Variants in PCDHA1 observed in about 807,000 individuals in gnomAD.
PCDHA1 encodes protocadherin alpha-1.
In PCDHA1, 42 loss-of-function variants were observed where a neutral mutation model predicts 61.3. The ratio of observed to expected loss-of-function variants is 0.69; its 90% CI spans 0.54 to 0.89. PCDHA1 has a LOEUF of 0.89. PCDHA1 is among the 40% of genes least tolerant of loss of function. The pLI is 0.00. For synonymous variants in PCDHA1, 610 were observed against 553.8 expected, an observed-to-expected ratio of 1.10 and a Z score of -1.43; for missense variants, 1,256 against 1,235.3, an observed-to-expected ratio of 1.02 and a Z score of -0.25.
intron 1 of PCDHA1, chr5:140,809,102 G>T (rs532147064): frequency 7.4e-6 from 12 of 1,613,966 alleles, no homozygotes; most frequent in African/African-American, 1.3e-5. Context: ...TGCCCTGGAC[G>T]AAACGGACGC....
At chr5:140,822,702 T>C (rs1767402804) in intron 1 of PCDHA1, 1 of 1,610,758 alleles carries the variant, frequency 6.2e-7, no homozygotes, top group Non-Finnish European at 8.5e-7. Flanking sequence ...AACTGGATTA[T>C]GAAGACTATA....
intron 1 of PCDHA1, among the ~76,000 whole-genome samples, chr5:140,798,440 C>T (rs1436218593): frequency 2.6e-5 from 4 of 152,156 alleles, no homozygotes; most frequent in Admixed American, 2.6e-4. Context: ...TTAAAAATCA[C>T]ACTGGGGTTT....
intron 1 of PCDHA1, chr5:140,862,547 G>T: frequency 2.2e-6 from 1 of 455,636 alleles, no homozygotes; most frequent in South Asian, 1.7e-5. Context: ...CGTGGAAGTG[G>T]CCGAACAGTG....
At chr5:140,870,778 G>GACA (rs2052395482) in intron 1 of PCDHA1, 1 of 1,613,502 alleles carries the variant, frequency 6.2e-7, no homozygotes, top group Non-Finnish European at 8.5e-7. Flanking sequence ...GGACGAGAAC[G>GACA]ACAACGCGCC....
intron 1 of PCDHA1, among the ~76,000 whole-genome samples, chr5:140,794,201 C>G (rs1212129298): frequency 2.0e-5 from 3 of 152,196 alleles, no homozygotes; most frequent in Non-Finnish European, 2.9e-5. Context: ...GGAAAGAAGT[C>G]CTGTCACATG....
At chr5:140,904,725 C>A (rs1554191671) in intron 1 of PCDHA1, among the ~76,000 whole-genome samples, 1 of 152,050 alleles carries the variant, frequency 6.6e-6, no homozygotes, top group Non-Finnish European at 1.5e-5. Context: ...TGGCCAACAT[C>A]TATTATTTTT....
At chr5:140,839,346 C>T (rs1354845524) in intron 1 of PCDHA1, among the ~76,000 whole-genome samples, 1 of 149,510 alleles carries the variant, frequency 6.7e-6, no homozygotes, top group African/African-American at 2.5e-5. Flanking sequence ...ATAGGGGATC[C>T]TCCTTAGCCA....
chr5:140,958,137 A>G (rs1237826000), intron 1 of PCDHA1, among the ~76,000 whole-genome samples: 2 of 152,112 alleles, frequency 1.3e-5, no homozygotes, highest in Admixed American at 6.6e-5. Flanking sequence ...ATCAGTGTGT[A>G]TATTTATATA....
At chr5:140,959,414 C>T (rs1408668310) in intron 1 of PCDHA1, among the ~76,000 whole-genome samples, 3 of 151,996 alleles carry the variant, frequency 2.0e-5, no homozygotes, top group African/African-American at 7.2e-5. Context: ...GTTGATTGAT[C>T]TGAGAATTTG....
intron 1 of PCDHA1, chr5:140,830,290 G>T (rs554863669): frequency 6.2e-7 from 1 of 1,613,848 alleles, no homozygotes; most frequent in African/African-American, 1.3e-5. Context: ...GCGCGTGCAC[G>T]GCGGACAAGC....
At chr5:140,986,293 CAG>C (rs1447196504) in intron 3 of PCDHA1, among the ~76,000 whole-genome samples, 2 of 152,124 alleles carry the variant, frequency 1.3e-5, no homozygotes, top group Admixed American at 6.5e-5. Flanking sequence ...TGAGACTGAG[CAG>C]AGAGAGAAAA....
intron 1 of PCDHA1, chr5:140,842,506 C>T: frequency 6.2e-7 from 1 of 1,613,804 alleles, no homozygotes; most frequent in South Asian, 1.1e-5. Context: ...ATGTCCCCTT[C>T]AAGCTGGTGT....
chr5:140,883,302 A>G, intron 1 of PCDHA1: 1 of 1,614,110 alleles, frequency 6.2e-7, no homozygotes, highest in Non-Finnish European at 8.5e-7. Flanking sequence ...GATGTAAATG[A>G]TAACGCCCCA....
At chr5:140,884,037 T>C (rs1260114488) in intron 1 of PCDHA1, 1 of 1,613,346 alleles carries the variant, frequency 6.2e-7, no homozygotes, top group Non-Finnish European at 8.5e-7. Flanking sequence ...GCAGGCCACG[T>C]GGTGGCGAAG....
intron 1 of PCDHA1, among the ~76,000 whole-genome samples, chr5:140,881,010 T>A (rs782629592): frequency 1.3e-5 from 2 of 152,198 alleles, no homozygotes; most frequent in Admixed American, 1.3e-4. Context: ...AGCAGAGCTA[T>A]GGAAATAAAC....
intron 1 of PCDHA1, among the ~76,000 whole-genome samples, chr5:140,893,163 T>C (rs557235731): frequency 6.6e-6 from 1 of 152,354 alleles, no homozygotes; most frequent in African/African-American, 2.4e-5. Flanking sequence ...GATATTGAGG[T>C]TGATTCCACA....
At chr5:141,005,633 C>T (rs1292206901) in intron 3 of PCDHA1, among the ~76,000 whole-genome samples, 2 of 126,368 alleles carry the variant, frequency 1.6e-5, no homozygotes. Context: ...ACCCGGGAGG[C>T]GGAGCTTGCA....
intron 1 of PCDHA1, chr5:140,829,408 C>T: frequency 1.2e-6 from 2 of 1,614,134 alleles, no homozygotes; most frequent in Non-Finnish European, 1.7e-6. Context: ...GGGCCACCGC[C>T]AGCTTGTCTG....
chr5:140,946,297 T>C (rs1238627119), intron 1 of PCDHA1, among the ~76,000 whole-genome samples: 5 of 151,730 alleles, frequency 3.3e-5, no homozygotes, highest in Non-Finnish European at 7.4e-5. Flanking sequence ...ACCTCACACC[T>C]GGTAGAATGG....
Sources: allele counts gnomAD v4.1 joint callset (sites outside exome capture counted in the v4.1 genomes callset), GRCh38; gene constraint gnomAD v4.1.1; transcripts MANE v1.5; gene names NCBI Gene and HGNC (gene_info 2026-07-23, HGNC 2026-07-21).